Variants in WWOX observed in about 807,000 individuals in gnomAD.
The protein encoded by WWOX is WW domain-containing oxidoreductase.
WWOX carries 69 observed loss-of-function variants against 46.2 expected under a neutral mutation model. The observed-to-expected ratio is 1.49, with a 90% CI of 1.23 to 1.82. WWOX has a LOEUF of 1.82. Ranked by LOEUF, WWOX falls within the 40% of genes most tolerant of loss-of-function variation. WWOX has a pLI of 0.00. For synonymous variants in WWOX, 359 were observed against 202.6 expected, an observed-to-expected ratio of 1.77 and a Z score of -6.56; for missense variants, 919 against 542.6, an observed-to-expected ratio of 1.69 and a Z score of -6.89.
At position 78,911,555 on chromosome 16, in the gene WWOX, C is replaced by A. The variant is rs149837585; in HGVS notation, c.1057-300053C>A. ...GAAATAAGACTCTTAGGAAAATTCT[C>A]CCCAGTGGCAATGTTGTAAGAAACA... On this transcript the variant is annotated intron_variant, in intron 8 of 8. Coordinates refer to ENST00000566780, the MANE Select transcript of WWOX (RefSeq NM_016373.4). Among the ~76,000 whole-genome samples the A allele has an allele frequency of 3.4e-4, 51 of 152,068 alleles. No individual in the cohort carries two copies. The East Asian group carries it at 8.9e-3, about 27-fold the overall frequency.
chr16:78,652,471 T>G lies in WWOX; in HGVS notation c.1056+219719T>G, dbSNP rs368946197. 1.3e-4 allele frequency among the ~76,000 whole-genome samples: 19 copies of G among 151,252 alleles called. No individual in the cohort carries two copies. The East Asian group carries it at 2.1e-3, about 17-fold the overall frequency. On this transcript the variant is annotated intron_variant, in intron 8 of 8. Coordinates refer to ENST00000566780, the MANE Select transcript of WWOX (RefSeq NM_016373.4). ...TGTTTGGAAGCCATGTCCCATGAAT[T>G]CCAAATACAATTGAGGACTCTATAA...
At chr16:78,651,939 C>T (rs1001656737) in intron 8 of WWOX, among the ~76,000 whole-genome samples, 3 of 152,040 alleles carry the variant, frequency 2.0e-5, no homozygotes, top group African/African-American at 7.2e-5. Flanking sequence ...CAATGGCAGG[C>T]ACAGGGATGG....
intron 5 of WWOX, among the ~76,000 whole-genome samples, chr16:78,238,398 C>T (rs1050604160): frequency 6.6e-6 from 1 of 152,012 alleles, no homozygotes; most frequent in African/African-American, 2.4e-5. Context: ...CTCCCGGGCT[C>T]AGGCGATCTT....
chr16:78,988,972 A>T (rs1211395419), intron 8 of WWOX, among the ~76,000 whole-genome samples: 1 of 152,184 alleles, frequency 6.6e-6, no homozygotes, highest in Non-Finnish European at 1.5e-5. Flanking sequence ...TAGGCAGGAG[A>T]ATTCCTGAGT....
chr16:78,502,410 C>T (rs183381204), intron 8 of WWOX, among the ~76,000 whole-genome samples: 53 of 152,316 alleles, frequency 3.5e-4, no homozygotes, highest in African/African-American at 8.9e-4. Context: ...ACCTATTCTG[C>T]GTACCTCATA....
chr16:78,119,260 A>G (rs11645006), intron 4 of WWOX, among the ~76,000 whole-genome samples: 56,184 of 152,110 alleles, frequency 0.37, 10,571 homozygotes, highest in East Asian at 0.5. Context: ...CACGGTGAAC[A>G]TTACATGCAA....
intron 5 of WWOX, among the ~76,000 whole-genome samples, chr16:78,322,587 A>T (rs1343250487): frequency 6.6e-6 from 1 of 152,226 alleles, no homozygotes; most frequent in African/African-American, 2.4e-5. Flanking sequence ...GAGAGGTACA[A>T]TTCAAACCCA....
chr16:78,942,874 T>C (rs78859358), intron 8 of WWOX, among the ~76,000 whole-genome samples: 2,585 of 152,302 alleles, frequency 0.017, 65 homozygotes, highest in African/African-American at 0.059. Flanking sequence ...GACAGCTCTT[T>C]AGAAAGAGAT....
In WWOX at chr16:78,443,029, A is replaced by G. The variant is rs1051656936; in HGVS notation, c.1056+10277A>G. On this transcript the variant is annotated intron_variant, in intron 8 of 8. Transcript: ENST00000566780. The stretch of plus-strand genomic sequence containing the variant: ...TGGGTGCCTGTAGTCCCAGCTACTC[A>G]GGAGGCTAAGGCAGGAGAATGGCGT... Among the ~76,000 whole-genome samples, 64 of 150,668 alleles carry G rather than the reference A, an allele frequency of 4.2e-4. 1 individual carries two copies. The Middle Eastern group carries it at 0.014, about 32-fold the overall frequency.
chr16:79,207,144 C>T (rs2051541293), intron 8 of WWOX, among the ~76,000 whole-genome samples: 3 of 152,124 alleles, frequency 2.0e-5, no homozygotes, highest in Non-Finnish European at 4.4e-5. Flanking sequence ...CATGAGGGCT[C>T]ACCCCCTCAT....
intron 8 of WWOX, among the ~76,000 whole-genome samples, chr16:78,694,390 T>C (rs968550306): frequency 2.0e-5 from 3 of 152,184 alleles, no homozygotes; most frequent in Middle Eastern, 3.2e-3. Flanking sequence ...AGCTGGACTT[T>C]TCCTCCCTTT....
intron 8 of WWOX, chr16:79,078,372 T>C (rs575495605): frequency 3.3e-5 from 5 of 152,336 alleles, no homozygotes; most frequent in African/African-American, 9.6e-5. Context: ...TGGCCATGCA[T>C]AGCTTTGGAA....
At chr16:78,550,211 A>T (rs1287363563) in intron 8 of WWOX, among the ~76,000 whole-genome samples, 1 of 152,220 alleles carries the variant, frequency 6.6e-6, no homozygotes, top group Admixed American at 6.5e-5. Flanking sequence ...TTCCATTTAT[A>T]CTCAGAGTAA....
At chr16:78,789,491 A>G (rs992247821) in intron 8 of WWOX, among the ~76,000 whole-genome samples, 1 of 152,186 alleles carries the variant, frequency 6.6e-6, no homozygotes, top group Non-Finnish European at 1.5e-5. Flanking sequence ...ACTCTGAATT[A>G]TATCCCATTG....
chr16:78,463,081 C>A (rs1269996421), intron 8 of WWOX, among the ~76,000 whole-genome samples: 2 of 152,116 alleles, frequency 1.3e-5, no homozygotes, highest in South Asian at 4.1e-4. Flanking sequence ...AGGGGCAGGT[C>A]TTTGTTTCAT....
chr16:78,966,869 T>A (rs2046371829), intron 8 of WWOX, among the ~76,000 whole-genome samples: 1 of 152,148 alleles, frequency 6.6e-6, no homozygotes, highest in Non-Finnish European at 1.5e-5. Context: ...AAATAATAGT[T>A]CCCACCTCAT....
chr16:78,412,533 T>A (rs1051884878), intron 6 of WWOX, among the ~76,000 whole-genome samples: 1 of 152,028 alleles, frequency 6.6e-6, no homozygotes, highest in South Asian at 2.1e-4. Context: ...GATGGAACAA[T>A]GGGCAAAAGA....
At chr16:78,566,894 C>T (rs763635540) in intron 8 of WWOX, among the ~76,000 whole-genome samples, 8 of 152,100 alleles carry the variant, frequency 5.3e-5, no homozygotes, top group East Asian at 1.9e-4. Context: ...AAAGGGGTCA[C>T]GTCTCTGTGA....
rs1045379894 is a variant in WWOX at position 78,730,265 on chromosome 16, A to G, written c.1056+297513A>G. ...TCTTATGAACGACGTTAGTACCTCAATTTTACTGTCCCATCCTTTTTTCCT... is the reference window on the plus strand; with the variant it reads ...TCTTATGAACGACGTTAGTACCTCAGTTTTACTGTCCCATCCTTTTTTCCT... On this transcript the variant is annotated intron_variant, in intron 8 of 8. Coordinates refer to ENST00000566780, the MANE Select transcript of WWOX (RefSeq NM_016373.4). 5.3e-5 allele frequency among the ~76,000 whole-genome samples: 8 copies of G among 152,060 alleles called. No homozygotes were observed. In the South Asian group the frequency reaches 6.3e-4, roughly 12 times the overall value.
Sources: gnomAD v4.1 joint callset for allele counts (sites outside exome capture counted in the v4.1 genomes callset) on GRCh38, gnomAD v4.1.1 for gene constraint, MANE v1.5 for transcripts, NCBI Gene and HGNC (gene_info 2026-07-23, HGNC 2026-07-21) for gene names.